Variants in SCLT1 observed in about 807,000 individuals in gnomAD.
The protein encoded by SCLT1 is sodium channel-associated protein 1.
Under a neutral mutation model 112.8 loss-of-function variants are expected in SCLT1, and 78 were observed. The observed-to-expected ratio is 0.69, with a 90% CI of 0.58 to 0.83. The LOEUF is 0.83. SCLT1 is among the 40% of genes least tolerant of loss of function. The pLI, the probability that SCLT1 is intolerant of heterozygous loss-of-function variation, is 0.00. For missense variants in SCLT1, 747 were observed against 770.4 expected (o/e 0.97, Z 0.36); for synonymous variants, 257 against 254.7 (o/e 1.01, Z -0.09).
rs139820385 is a variant in SCLT1 at position 128,932,367 on chromosome 4, A to G, written c.1829+4288T>C. On this transcript the variant is annotated intron_variant, in intron 18 of 20. Transcript: ENST00000281142. The stretch of plus-strand genomic sequence containing the variant: ...CTTATATATTAAAATATACATGTAT[A>G]AAACCTAAGTTAAAATCTAAAATAT... 2.0e-3 allele frequency among the ~76,000 whole-genome samples: 304 copies of G among 152,268 alleles called. 2 individuals are homozygous for G. Among genetic ancestry groups the G allele is most frequent in the African/African-American group, 6.7e-3 (279 of 41,558 alleles).
At chr4:128,878,435 G>A (rs1732569406) in intron 3 of SCLT1, among the ~76,000 whole-genome samples, 1 of 152,118 alleles carries the variant, frequency 6.6e-6, no homozygotes, top group Non-Finnish European at 1.5e-5. Flanking sequence ...TTTCTTTGGT[G>A]TTTCCCTTCC....
chr4:128,928,964 C>T (rs1363969445), intron 18 of SCLT1, among the ~76,000 whole-genome samples: 1 of 152,100 alleles, frequency 6.6e-6, no homozygotes, highest in Non-Finnish European at 1.5e-5. Context: ...AAATTGAAAG[C>T]TTTCCTTTTA....
chr4:128,882,999 T>C (rs1181334110), downstream of SCLT1, among the ~76,000 whole-genome samples: 3 of 150,958 alleles, frequency 2.0e-5, no homozygotes, highest in Non-Finnish European at 4.4e-5. Context: ...ATAGAAAAAT[T>C]AGTGGGTGTG....
At chr4:129,091,506 T>C (rs1752818712) in intron 1 of SCLT1, among the ~76,000 whole-genome samples, 1 of 152,088 alleles carries the variant, frequency 6.6e-6, no homozygotes, top group African/African-American at 2.4e-5. Context: ...CCTCAAGTAC[T>C]ATCCTGACTC....
intron 18 of SCLT1, among the ~76,000 whole-genome samples, chr4:128,910,882 T>C (rs1735041846): frequency 6.6e-6 from 1 of 152,184 alleles, no homozygotes; most frequent in South Asian, 2.1e-4. Flanking sequence ...TATCTATCCT[T>C]GTGCCAATAC....
intron 16 of SCLT1, 83 bp downstream of exon 16, chr4:128,945,924 A>G (rs1738117478): frequency 1.1e-6 from 1 of 898,804 alleles, no homozygotes; most frequent in African/African-American, 1.7e-5. Context: ...AGTCCTACCA[A>G]AAAAAAGAAA....
At chr4:129,083,315 G>T (rs72926084) in intron 1 of SCLT1, among the ~76,000 whole-genome samples, 1 of 151,544 alleles carries the variant, frequency 6.6e-6, no homozygotes, top group African/African-American at 2.4e-5. Flanking sequence ...GCAATCACAC[G>T]TTCTTTTCAA....
At chr4:128,969,725 A>G (rs993067351) in intron 10 of SCLT1, among the ~76,000 whole-genome samples, 2 of 152,162 alleles carry the variant, frequency 1.3e-5, no homozygotes, top group South Asian at 4.1e-4. Context: ...AAATTTAACA[A>G]TTCTTATTTC....
At chr4:129,001,607 A>G (rs1234626584) in intron 6 of SCLT1, among the ~76,000 whole-genome samples, 1 of 152,090 alleles carries the variant, frequency 6.6e-6, no homozygotes, top group Non-Finnish European at 1.5e-5. Context: ...ACTGGATCAA[A>G]TAATGCAAAC....
chr4:128,945,938 T>C, intron 16 of SCLT1, 69 bp downstream of exon 16: 1 of 1,040,610 alleles, frequency 9.6e-7, no homozygotes, highest in Admixed American at 2.2e-5. Context: ...AAAGAAAAGG[T>C]AGCGAATCTG....
chr4:129,086,736 A>G (rs753075804), intron 1 of SCLT1, among the ~76,000 whole-genome samples: 16 of 152,196 alleles, frequency 1.1e-4, no homozygotes, highest in Non-Finnish European at 1.9e-4. Context: ...ACAGCCTGTA[A>G]AAGACACCAG....
At chr4:129,007,407 C>G (rs796214107) in intron 5 of SCLT1, among the ~76,000 whole-genome samples, 16 of 151,912 alleles carry the variant, frequency 1.1e-4, no homozygotes, top group African/African-American at 3.9e-4. Context: ...TTTTTGTATT[C>G]TGAGTCTTTG....
intron 9 of SCLT1, among the ~76,000 whole-genome samples, chr4:128,977,681 G>GA (rs1741297874): frequency 1.3e-5 from 2 of 152,064 alleles, no homozygotes; most frequent in South Asian, 4.2e-4. Context: ...AAGAATAAAT[G>GA]AAAGAATATG....
In SCLT1 at chr4:128,888,723, G is replaced by A. The variant is rs531031008; in HGVS notation, c.1960C>T (p.Arg654Cys). The part of the protein sequence containing the change: ...HQEKANRLQR[R>C]LSQAEERAAS... ...GCTCTCTCTTCTGCCTGACTTAGACGCCTTTGAAGTCTGTTGGCTTTTTCT... is the reference window on the plus strand; with the variant it reads ...GCTCTCTCTTCTGCCTGACTTAGACACCTTTGAAGTCTGTTGGCTTTTTCT... The change falls in exon 20 of 21, where the codon CGT becomes TGT. Residue 654 changes from arginine (R) to cysteine (C), a missense_variant. Transcript: ENST00000281142. 19 of 1,612,910 alleles carry A rather than the reference G, an allele frequency of 1.2e-5. No individual in the cohort carries two copies. The highest frequency in any genetic ancestry group is 3.3e-5 in the South Asian group (3 of 91,016).
intron 1 of SCLT1, among the ~76,000 whole-genome samples, chr4:129,090,925 A>G (rs769058035): frequency 6.6e-6 from 1 of 152,220 alleles, no homozygotes; most frequent in Non-Finnish European, 1.5e-5. Flanking sequence ...TGGGGACATG[A>G]GAGTTGAGAA....
chr4:129,079,767 T>C (rs1751776674), intron 2 of SCLT1, among the ~76,000 whole-genome samples: 1 of 152,242 alleles, frequency 6.6e-6, no homozygotes, highest in African/African-American at 2.4e-5. Flanking sequence ...ACCCTACATT[T>C]CCTCTTTGCA....
rs1168607836 is a variant in SCLT1 at position 128,957,072 on chromosome 4, G to C, written c.1100C>G (p.Thr367Arg). 1 of 1,602,006 alleles carries C rather than the reference G, an allele frequency of 6.2e-7. No individual in the cohort carries two copies. Among genetic ancestry groups the C allele is most frequent in the Non-Finnish European group, 8.5e-7 (1 of 1,172,840 alleles). Residue 367 changes from threonine (T) to arginine (R), a missense_variant, in exon 13 of 21, where the codon ACA becomes AGA. Around this residue, in one of 2 missense-constraint regions of SCLT1, gnomAD observed 723 missense variants for 721.3 expected, o/e 1.00. Coordinates refer to ENST00000281142, the MANE Select transcript of SCLT1 (RefSeq NM_144643.4). Reference sequence around the variant, plus strand: ...AGCATCTTGTACAAACCGAGAAACTGTCTCTTTCATTTTCTCTATGTCTTC... The same window carrying C: ...AGCATCTTGTACAAACCGAGAAACTCTCTCTTTCATTTTCTCTATGTCTTC... ...KEEDIEKMKETVSRFVQDATI... is the reference protein window; with the variant it reads ...KEEDIEKMKERVSRFVQDATI...
chr4:129,089,632 G>A (rs1752668064), intron 1 of SCLT1, among the ~76,000 whole-genome samples: 1 of 152,178 alleles, frequency 6.6e-6, no homozygotes, highest in South Asian at 2.1e-4. Context: ...ATCAATGATA[G>A]ACTGGATAAA....
intron 15 of SCLT1, among the ~76,000 whole-genome samples, chr4:128,946,514 T>G (rs1418289951): frequency 6.6e-6 from 1 of 152,156 alleles, no homozygotes; most frequent in East Asian, 1.9e-4. Context: ...GAGGCTGCAG[T>G]GAGCCATGAT....
Sources: allele counts gnomAD v4.1 joint callset (sites outside exome capture counted in the v4.1 genomes callset), GRCh38; gene constraint gnomAD v4.1.1; regional missense constraint gnomAD v4.1.1; transcripts MANE v1.5; gene names NCBI Gene and HGNC (gene_info 2026-07-23, HGNC 2026-07-21).